Variants in MACIR observed in about 807,000 individuals in gnomAD.
MACIR encodes the protein UNC119-binding protein C5orf30.
Under a neutral mutation model 14.3 loss-of-function variants are expected in MACIR, and 4 were observed. That is an observed-to-expected ratio of 0.28 (90% CI 0.14 to 0.64). The LOEUF (loss-of-function observed/expected upper bound fraction) is 0.64. Ranked by LOEUF, MACIR falls within the 30% of genes least tolerant of loss-of-function variation. MACIR has a pLI of 0.83. For synonymous variants in MACIR, 101 were observed against 102.4 expected, an observed-to-expected ratio of 0.99 and a Z score of 0.08; for missense variants, 228 against 257.6, an observed-to-expected ratio of 0.89 and a Z score of 0.79.
intron 2 of MACIR, among the ~76,000 whole-genome samples, chr5:103,273,532 C>T (rs989561508): frequency 3.3e-5 from 5 of 152,080 alleles, no homozygotes; most frequent in African/African-American, 4.8e-5. Context: ...TTCTCTAAAC[C>T]GTTGTCTCCT....
At position 103,276,438 on chromosome 5, in the gene MACIR, A is replaced by C. The variant is rs782283148; in HGVS notation, c.519A>C (p.Leu173=). 22 of 1,613,944 alleles carry C rather than the reference A, an allele frequency of 1.4e-5. No homozygotes were observed. The highest frequency in any genetic ancestry group is 2.7e-5 in the African/African-American group (2 of 74,858). The change falls in exon 3 of 3, where the codon CTA becomes CTC. Residue 173 remains leucine, a synonymous_variant. Coordinates refer to ENST00000319933, the MANE Select transcript of MACIR (RefSeq NM_033211.4). ...CCAAATCTCTGGACTACCTCAATCT[A>C]GATAAAATGATCAAGGAGCCAGCTG... The part of the protein sequence containing the change: ...AHSKSLDYLN[L]DKMIKEPADT...
chr5:103,259,086 AACCCGGCCGG>A (rs1246809584), intron 1 of MACIR, 190 bp downstream of exon 1: 1 of 152,100 alleles, frequency 6.6e-6, no homozygotes, highest in Non-Finnish European at 1.5e-5. Flanking sequence ...GTGCTGGGGA[AACCCGGCCGG>A]ACCAGCTTCT....
At chr5:103,272,694 G>A (rs974926413) in intron 2 of MACIR, among the ~76,000 whole-genome samples, 21 of 152,160 alleles carry the variant, frequency 1.4e-4, no homozygotes, top group Admixed American at 1.2e-3. Flanking sequence ...GTGCAGCATA[G>A]TAGATGTGTG....
intron 2 of MACIR, 118 bp from the exon 3 acceptor site, chr5:103,275,779 A>T: frequency 2.6e-6 from 2 of 762,620 alleles, no homozygotes; most frequent in South Asian, 3.9e-5. Context: ...TGTCAGTGGT[A>T]CATTGACTGT....
At chr5:103,274,613 A>G (rs1171249304) in intron 2 of MACIR, among the ~76,000 whole-genome samples, 1 of 151,498 alleles carries the variant, frequency 6.6e-6, no homozygotes, top group Non-Finnish European at 1.5e-5. Context: ...CAATCTCCTA[A>G]TGAAGGAAAT....
At chr5:103,275,429 A>G (rs566548581) in intron 2 of MACIR, among the ~76,000 whole-genome samples, 3 of 152,378 alleles carry the variant, frequency 2.0e-5, no homozygotes, top group African/African-American at 7.2e-5. Context: ...GCAGGTGTCA[A>G]GAGCTAAGCA....
In MACIR at chr5:103,263,638, A is replaced by T. The variant is rs1403595865; in HGVS notation, c.-113-2270A>T. Among the ~76,000 whole-genome samples, 4 of 152,202 alleles carry T rather than the reference A, an allele frequency of 2.6e-5. No individual in the cohort carries two copies. In the East Asian group the frequency reaches 7.7e-4, roughly 29 times the overall value. On this transcript the variant is annotated intron_variant, in intron 1 of 2. Transcript: ENST00000319933. ...GAATATGTCACCAAATACATGAGGC[A>T]AATTATATGAAAGTTTGAATGAGAT...
rs1805333519 is a variant in MACIR at position 103,276,362 on chromosome 5, C to T, written c.443C>T (p.Ala148Val). The T allele has an allele frequency of 6.2e-7, 1 of 1,613,602 alleles. No homozygotes were observed. Among genetic ancestry groups the T allele is most frequent in the Middle Eastern group, 1.6e-4 (1 of 6,062 alleles). The change falls in exon 3 of 3, where the codon GCC becomes GTC. Residue 148 changes from alanine (A) to valine (V), a missense_variant. Ala to Val is a moderately conservative substitution (Grantham distance 64, BLOSUM62 0). Coordinates refer to ENST00000319933, the MANE Select transcript of MACIR (RefSeq NM_033211.4). ...TCTTTACCTTATGAACCTTACAAGGCCCTCCATGGGCCTCTGCCTCTTTGT... is the reference window on the plus strand; with the variant it reads ...TCTTTACCTTATGAACCTTACAAGGTCCTCCATGGGCCTCTGCCTCTTTGT... ...TKSLPYEPYK[A>V]LHGPLPLCLL...
rs1241170238 is a variant in MACIR, at chr5:103,277,748, G to A, written c.*1208G>A. On this transcript the variant is annotated 3_prime_UTR_variant, in exon 3 of 3. Coordinates refer to ENST00000319933, the MANE Select transcript of MACIR (RefSeq NM_033211.4). Reference sequence around the variant, plus strand: ...CTTGAATATATTTTGAAAAAAAAATGTATGTAACTTACCTTTTGTAAACGT... The same window carrying A: ...CTTGAATATATTTTGAAAAAAAAATATATGTAACTTACCTTTTGTAAACGT... 1.2e-5 allele frequency: 2 copies of A among 166,896 alleles called. No individual in the cohort carries two copies. The highest frequency in any genetic ancestry group is 2.4e-5 in the African/African-American group (1 of 41,404). 10.3% of individuals were successfully genotyped at this position (166,896 alleles called of 1,614,324 possible). A position where few individuals can be genotyped will look rare whatever the true frequency, so the allele number is the denominator to read the frequency against.
At chr5:103,260,282 T>C (rs148716643) in intron 1 of MACIR, among the ~76,000 whole-genome samples, 1 of 152,118 alleles carries the variant, frequency 6.6e-6, no homozygotes, top group African/African-American at 2.4e-5. Flanking sequence ...TTTTATTTTC[T>C]CAAATCCTGT....
chr5:103,267,776 A>G (rs1453570612), intron 2 of MACIR, among the ~76,000 whole-genome samples: 1 of 152,162 alleles, frequency 6.6e-6, no homozygotes, highest in Non-Finnish European at 1.5e-5. Context: ...GGTTTGATGC[A>G]TTTTGACAAA....
rs1346928380 is a variant in MACIR, at chr5:103,278,447, T to G, written c.*1907T>G. 6.0e-6 allele frequency: 1 copy of G among 167,098 alleles called. No individual in the cohort carries two copies. Among genetic ancestry groups the G allele is most frequent in the Non-Finnish European group, 1.5e-5 (1 of 68,112 alleles). 10.4% of individuals were successfully genotyped at this position (167,098 alleles called of 1,614,324 possible). On this transcript the variant is annotated 3_prime_UTR_variant, in exon 3 of 3. Coordinates refer to ENST00000319933, the MANE Select transcript of MACIR (RefSeq NM_033211.4). Reference sequence around the variant, plus strand: ...CTGTTCAAGAATTCCACTGAAGCACTTATTTTAAGGCCCTATTTTTCTTAA... The same window carrying G: ...CTGTTCAAGAATTCCACTGAAGCACGTATTTTAAGGCCCTATTTTTCTTAA...
At position 103,276,477 on chromosome 5, in the gene MACIR, A is replaced by G. The variant is rs782045168; in HGVS notation, c.558A>G (p.Leu186=). 1.2e-6 allele frequency: 2 copies of G among 1,613,966 alleles called. No individual in the cohort carries two copies. The highest frequency in any genetic ancestry group is 1.7e-6 in the Non-Finnish European group (2 of 1,179,902). The change falls in exon 3 of 3, where the codon CTA becomes CTG. Residue 186 remains leucine (L), a synonymous_variant. Coordinates refer to ENST00000319933, the MANE Select transcript of MACIR (RefSeq NM_033211.4). ...AGGAGCCAGCTGATACAGAAGTGCTACAGTACCAGCTTCAACACCTAACCC... is the reference window on the plus strand; with the variant it reads ...AGGAGCCAGCTGATACAGAAGTGCTGCAGTACCAGCTTCAACACCTAACCC... The part of the protein sequence containing the change: ...MIKEPADTEV[L]QYQLQHLTLR...
chr5:103,275,128 G>A (rs540640180), intron 2 of MACIR, among the ~76,000 whole-genome samples: 25 of 152,226 alleles, frequency 1.6e-4, no homozygotes, highest in African/African-American at 5.8e-4. Flanking sequence ...AGCCTGTGGT[G>A]TATTTTATGA....
rs544539100 is a variant in MACIR, at chr5:103,266,904, G to A, written c.-24+907G>A. ...ATTACATTTATGAAAATGCATTTTCGAACATTGGAAAATTGGAAACGTTAC... is the reference window on the plus strand; with the variant it reads ...ATTACATTTATGAAAATGCATTTTCAAACATTGGAAAATTGGAAACGTTAC... On this transcript the variant is annotated intron_variant, in intron 2 of 2. Transcript: ENST00000319933. 6.6e-5 allele frequency among the ~76,000 whole-genome samples: 10 copies of A among 152,116 alleles called. No individual in the cohort carries two copies. In the East Asian group the frequency reaches 1.2e-3, roughly 18 times the overall value.
chr5:103,262,650 C>G (rs782393113), intron 1 of MACIR, among the ~76,000 whole-genome samples: 34 of 152,218 alleles, frequency 2.2e-4, no homozygotes, highest in Non-Finnish European at 4.1e-4. Flanking sequence ...CTTAGTCACC[C>G]ATGACTTTCT....
intron 2 of MACIR, among the ~76,000 whole-genome samples, chr5:103,273,267 TAAC>T (rs10573593): frequency 0.035 from 5,335 of 152,274 alleles, 282 homozygotes; most frequent in African/African-American, 0.12. Context: ...ATCTTCTACT[TAAC>T]AACCTAGGTT....
rs192372640 is a variant in MACIR at position 103,261,941 on chromosome 5, T to C, written c.-114+3045T>C. On this transcript the variant is annotated intron_variant, in intron 1 of 2. Coordinates refer to ENST00000319933, the MANE Select transcript of MACIR (RefSeq NM_033211.4). The stretch of plus-strand genomic sequence containing the variant: ...TATGTGCTGGTCCTCATATTTATAG[T>C]CTTATGATTTGTGATCAATGTTGTT... Among the ~76,000 whole-genome samples the C allele has an allele frequency of 3.7e-4, 56 of 152,286 alleles. 1 individual carries two copies. The highest frequency in any genetic ancestry group is 1.2e-3 in the African/African-American group (50 of 41,568).
At chr5:103,261,093 C>A (rs1235859900) in intron 1 of MACIR, among the ~76,000 whole-genome samples, 4 of 152,180 alleles carry the variant, frequency 2.6e-5, no homozygotes, top group Admixed American at 6.5e-5. Flanking sequence ...TTAATTTTTA[C>A]TAGCAGAAAT....
Sources: allele counts gnomAD v4.1 joint callset (sites outside exome capture counted in the v4.1 genomes callset), GRCh38; gene constraint gnomAD v4.1.1; transcripts MANE v1.5; gene names NCBI Gene and HGNC (gene_info 2026-07-23, HGNC 2026-07-21).